TLCD3B: variants seen among roughly 807,000 people sequenced by gnomAD.
The protein encoded by TLCD3B is ceramide synthase.
Under a neutral mutation model 23.0 loss-of-function variants are expected in TLCD3B, and 9 were observed. The observed-to-expected ratio is 0.39, with a 90% CI of 0.24 to 0.68. The LOEUF (loss-of-function observed/expected upper bound fraction) is 0.68. Ranked by LOEUF, TLCD3B falls within the 30% of genes least tolerant of loss-of-function variation. TLCD3B has a pLI of 0.44. For missense variants in TLCD3B, 307 were observed against 371.8 expected (o/e 0.83, Z 1.43); for synonymous variants, 161 against 161.0 (o/e 1.00, Z 0.00).
chr16:30,026,592 A>ACC lies in TLCD3B; in HGVS notation c.444+16_444+17insGG. ...CAGGCCACCCGCACCCCGCCCGCCC[A>ACC]GCTCCCCGGGACTCACCACTGAGAG... On this transcript the variant is annotated intron_variant, in intron 3 of 4. Coordinates refer to ENST00000380495, the MANE Select transcript of TLCD3B (RefSeq NM_031478.6). 7.2e-7 allele frequency: 1 copy of ACC among 1,386,896 alleles called. No homozygotes were observed. The highest frequency in any genetic ancestry group is 1.0e-6 in the Non-Finnish European group (1 of 982,788). 85.9% of individuals were successfully genotyped at this position (1,386,896 alleles called of 1,614,324 possible). A position where few individuals can be genotyped will look rare whatever the true frequency, so the allele number is the denominator to read the frequency against.
Position 30,025,265 on chromosome 16 carries a change from C to T in TLCD3B, c.743G>A (p.Trp248Ter). ...GGCCCCACGGCAGATGAGGAAGAAC[C>T]AGTAGAGCTGAGGGGCCAGGAGCAG... is the stretch of plus-strand genomic sequence containing the variant. ...AALLLAPQLY[W>*]FFLICRGACR... The change falls in exon 5 of 5, where the codon TGG (tryptophan) becomes TAG (stop). Residue 248 changes from tryptophan to a stop codon, truncating the protein, a stop_gained. Transcript: ENST00000380495. LOFTEE classifies it high-confidence loss of function. This position sits in a 1 kb window ranked among gnomAD's most constrained non-coding sequence, Gnocchi z 4.1. 2 of 1,541,570 alleles carry T rather than the reference C, an allele frequency of 1.3e-6. No individual in the cohort carries two copies. The highest frequency in any genetic ancestry group is 1.7e-6 in the Non-Finnish European group (2 of 1,144,222).
At chr16:30,042,040 CT>C (rs1011930562) in intron 2 of TLCD3B, among the ~76,000 whole-genome samples, 1 of 152,044 alleles carries the variant, frequency 6.6e-6, no homozygotes, top group East Asian at 1.9e-4. Context: ...CCTTTTTACA[CT>C]TTTTTTTCTA....
At chr16:30,035,446 G>A, upstream of TLCD3B, 1 of 1,289,600 alleles carries the variant, frequency 7.8e-7, no homozygotes, top group African/African-American at 1.5e-5. Flanking sequence ...ACGGGAAGAA[G>A]ACGCAACCCA....
chr16:30,044,697 C>G (rs2071630447), intron 2 of TLCD3B, among the ~76,000 whole-genome samples: 1 of 152,166 alleles, frequency 6.6e-6, no homozygotes, highest in Non-Finnish European at 1.5e-5. Flanking sequence ...AAAAAATATA[C>G]AAAATGAAAA....
At position 30,025,667 on chromosome 16, in the gene TLCD3B, G is replaced by A. The variant is rs767332753; in HGVS notation, c.540+59C>T. ...AGAGCCCTTGGCAGCAACCTTGAAGGTCCCTCCCCTTCCTGTGACCTCCCC... is the reference window on the plus strand; with the variant it reads ...AGAGCCCTTGGCAGCAACCTTGAAGATCCCTCCCCTTCCTGTGACCTCCCC... On this transcript the variant is annotated intron_variant, in intron 4 of 4. Transcript: ENST00000380495. This position sits in a 1 kb window ranked among gnomAD's most constrained non-coding sequence, Gnocchi z 4.1. 6.4e-7 allele frequency: 1 copy of A among 1,564,994 alleles called. No individual in the cohort carries two copies. Among genetic ancestry groups the A allele is most frequent in the Non-Finnish European group, 8.8e-7 (1 of 1,136,022 alleles).
Position 30,025,549 on chromosome 16 carries a change from A to AGGGTC in TLCD3B, c.541-83_541-82insGACCC. 6.4e-7 allele frequency: 1 copy of AGGGTC among 1,565,252 alleles called. No individual in the cohort carries two copies. Among genetic ancestry groups the AGGGTC allele is most frequent in the Non-Finnish European group, 8.8e-7 (1 of 1,141,352 alleles). ...CCTCTCCCTGCCTCCCTGCGACCCT[A>AGGGTC]GCAGGCAGCTCCTCCCAAACCAGAC... On this transcript the variant is annotated intron_variant, in intron 4 of 4. Coordinates refer to ENST00000380495, the MANE Select transcript of TLCD3B (RefSeq NM_031478.6). The surrounding 1 kb of genome is among the most constrained non-coding windows in gnomAD (Gnocchi z 4.1).
chr16:30,035,759 CTTTTTTCTT>C (rs2071458472), upstream of TLCD3B, among the ~76,000 whole-genome samples: 1 of 129,062 alleles, frequency 7.7e-6, no homozygotes, highest in Non-Finnish European at 1.6e-5. Context: ...CTTTTCTTTT[CTTTTTTCTT>C]TTTTTTTTTT....
intron 3 of TLCD3B, among the ~76,000 whole-genome samples, 181 bp downstream of exon 3, chr16:30,026,428 C>T (rs1480526320): frequency 6.6e-6 from 1 of 152,148 alleles, no homozygotes; most frequent in South Asian, 2.1e-4. Flanking sequence ...GCTGCCCCCA[C>T]ACCCTGGTGC....
chr16:30,051,766 T>C (rs1326076502), intron 1 of TLCD3B, among the ~76,000 whole-genome samples: 1 of 151,990 alleles, frequency 6.6e-6, no homozygotes, highest in Non-Finnish European at 1.5e-5. Context: ...GAATTCACAG[T>C]CCAAAGCAGC....
intron 2 of TLCD3B, 29 bp from the exon 3 acceptor site, chr16:30,026,872 G>T (rs147406823): frequency 6.3e-7 from 1 of 1,593,758 alleles, no homozygotes; most frequent in Non-Finnish European, 8.6e-7. Flanking sequence ...GGGTGGGGGA[G>T]CAAGGAGGAA....
rs747431024 is a variant in TLCD3B at position 30,030,561 on chromosome 16, GC to G, written c.-35del. ...AGGACTTGGGCAGGGAGGCAGGCGG[GC>G]CGTGAAGGGGCAGGGAGGCCGAGTG... On this transcript the variant is annotated 5_prime_UTR_variant, in exon 1 of 5. Transcript: ENST00000380495. 3.2e-6 allele frequency: 5 copies of G among 1,545,624 alleles called. No individual in the cohort carries two copies. The highest frequency in any genetic ancestry group is 4.3e-6 in the Non-Finnish European group (5 of 1,150,842).
Position 30,025,372 on chromosome 16 carries a change from G to A in TLCD3B, c.636C>T (p.Tyr212=), listed in dbSNP as rs1242074178. The change falls in exon 5 of 5, where the codon TAC becomes TAT. Residue 212 remains tyrosine, a synonymous_variant. Coordinates refer to ENST00000380495, the MANE Select transcript of TLCD3B (RefSeq NM_031478.6). The surrounding 1 kb of genome is among the most constrained non-coding windows in gnomAD (Gnocchi z 4.1). The part of the protein sequence containing the change: ...CCRVLLFPYL[Y]WAYGRHAGLP... Reference sequence around the variant, plus strand: ...GGCCGGCATGGCGCCCGTAGGCCCAGTACAGGTAGGGAAAGAGCAGCACCC... The same window carrying A: ...GGCCGGCATGGCGCCCGTAGGCCCAATACAGGTAGGGAAAGAGCAGCACCC... 1.9e-5 allele frequency: 31 copies of A among 1,607,012 alleles called. No homozygotes were observed. Among genetic ancestry groups the A allele is most frequent in the Non-Finnish European group, 2.6e-5 (31 of 1,176,964 alleles).
At chr16:30,035,794 C>T (rs1458924512), upstream of TLCD3B, among the ~76,000 whole-genome samples, 5 of 142,668 alleles carry the variant, frequency 3.5e-5, no homozygotes, top group South Asian at 8.7e-4. Context: ...TGCAGTCTTA[C>T]TCTTGTTGCC....
intron 3 of TLCD3B, among the ~76,000 whole-genome samples, chr16:30,039,380 C>T (rs1380541354): frequency 1.3e-5 from 2 of 152,000 alleles, no homozygotes; most frequent in African/African-American, 4.8e-5. Flanking sequence ...ACCTCAGCCT[C>T]CCAAAGTGCT....
chr16:30,024,475 C>T lies in TLCD3B; in HGVS notation c.*708G>A. On this transcript the variant is annotated 3_prime_UTR_variant, in exon 5 of 5. Coordinates refer to ENST00000380495, the MANE Select transcript of TLCD3B (RefSeq NM_031478.6). ...TATTAGCGGTCTGTAAAGCACCTCC[C>T]AGGGTCCCCCGACCCCAGATTGGAG... The T allele has an allele frequency of 1.7e-6, 1 of 574,766 alleles. No individual in the cohort carries two copies. Among genetic ancestry groups the T allele is most frequent in the Non-Finnish European group, 3.0e-6 (1 of 328,144 alleles). The allele number at this position is 574,766 out of a possible 1,614,324, so 35.6% of individuals were successfully genotyped here.
chr16:30,037,601 A>G (rs2150990635), intron 3 of TLCD3B, among the ~76,000 whole-genome samples: 1 of 152,026 alleles, frequency 6.6e-6, no homozygotes, highest in African/African-American at 2.4e-5. Context: ...AATGACATAT[A>G]CCTGTGGTCC....
upstream of TLCD3B, among the ~76,000 whole-genome samples, chr16:30,032,491 A>T (rs1479048924): frequency 6.6e-6 from 1 of 152,090 alleles, no homozygotes; most frequent in African/African-American, 2.4e-5. Context: ...TAGCGGACCT[A>T]GCTCCTGTCC....
intron 2 of TLCD3B, among the ~76,000 whole-genome samples, chr16:30,045,312 A>G (rs1238967152): frequency 7.0e-4 from 60 of 85,508 alleles, no homozygotes; most frequent in South Asian, 2.0e-3. Context: ...GGGTGGGTGT[A>G]TGGGGTGTGT....
chr16:30,030,013 T>C (rs1267076819), intron 1 of TLCD3B: 13 of 1,323,330 alleles, frequency 9.8e-6, no homozygotes, highest in Non-Finnish European at 2.0e-6. Flanking sequence ...TCTAGGGGTG[T>C]AGAGTTGTAC....
Sources: gnomAD v4.1 joint callset for allele counts (sites outside exome capture counted in the v4.1 genomes callset) on GRCh38, gnomAD v4.1.1 for gene constraint, Gnocchi (gnomAD v3.1) non-coding constraint, MANE v1.5 for transcripts, NCBI Gene and HGNC (gene_info 2026-07-23, HGNC 2026-07-21) for gene names.